Variants in HSPG2 observed in about 807,000 individuals in gnomAD.
The protein encoded by HSPG2 is heparan sulfate proteoglycan 2.
Under a neutral mutation model 526.6 loss-of-function variants are expected in HSPG2, and 278 were observed. The ratio of observed to expected loss-of-function variants is 0.53; its 90% CI spans 0.48 to 0.58. HSPG2 has a LOEUF of 0.58. Among genes scored for constraint, HSPG2 ranks in the 20% least tolerant of loss-of-function variants. The pLI is 0.00. For missense variants in HSPG2, 5,354 were observed against 6,099.5 expected, an observed-to-expected ratio of 0.88 and a Z score of 4.07; for synonymous variants, 2,465 against 2,555.4, an observed-to-expected ratio of 0.96 and a Z score of 1.07.
At chr1:21,936,206 C>T (rs78480153) in intron 1 of HSPG2, among the ~76,000 whole-genome samples, 35 of 152,254 alleles carry the variant, frequency 2.3e-4, no homozygotes, top group African/African-American at 7.5e-4. Context: ...CCCTGCCCAC[C>T]GACCCCACCC....
rs770212594 is a variant in HSPG2 at position 21,850,448 on chromosome 1, G to A, written c.7209C>T (p.Gly2403=). ...RLYQASPADS[G]EYVCRVLGSS... ...TGCCCAACACTCGGCACACGTACTC[G>A]CCCGAGTCGGCGGGGGACGCTTGGT... is the stretch of plus-strand genomic sequence containing the variant. Residue 2403 remains glycine, a synonymous_variant, in exon 56 of 97, where the codon GGC becomes GGT. Transcript: ENST00000374695. The A allele has an allele frequency of 6.9e-5, 112 of 1,612,042 alleles. No homozygotes were observed. The highest frequency in any genetic ancestry group is 3.3e-4 in the Middle Eastern group (2 of 6,070).
chr1:21,906,159 C>T (rs1231236731), intron 1 of HSPG2, among the ~76,000 whole-genome samples: 1 of 152,214 alleles, frequency 6.6e-6, no homozygotes, highest in Non-Finnish European at 1.5e-5. Context: ...AACTCCATAC[C>T]ACCTGGTCCC....
At chr1:21,923,159 C>G (rs556618035) in intron 1 of HSPG2, among the ~76,000 whole-genome samples, 31 of 152,320 alleles carry the variant, frequency 2.0e-4, no homozygotes, top group Admixed American at 3.9e-4. Flanking sequence ...GTAATCCCAG[C>G]ACTTTGGGAG....
At chr1:21,844,340 C>A in intron 64 of HSPG2, 41 bp from the exon 65 acceptor site, 1 of 1,590,468 alleles carries the variant, frequency 6.3e-7, no homozygotes, top group Non-Finnish European at 8.6e-7. Context: ...AGATGCCACC[C>A]TGATGCCCTC....
Position 21,887,284 on chromosome 1 carries a change from A to G in HSPG2, c.1009T>C (p.Cys337Arg). The change falls in exon 9 of 97, where the codon TGT becomes CGT. Residue 337 changes from cysteine (C) to arginine (R), a missense_variant. By Grantham distance (180) the Cys-to-Arg change is radical (BLOSUM62 -3). Coordinates refer to ENST00000374695, the MANE Select transcript of HSPG2 (RefSeq NM_005529.7). The surrounding 1 kb of genome is among the most constrained non-coding windows in gnomAD (Gnocchi z 5.0). ...TCGCAGCGCCACAGCTTGAGGGCACAATGTCCATTCCCGCAGGGGAACTCG... is the reference window on the plus strand; with the variant it reads ...TCGCAGCGCCACAGCTTGAGGGCACGATGTCCATTCCCGCAGGGGAACTCG... ...PNEFPCGNGH[C>R]ALKLWRCDGD... 6.2e-7 allele frequency: 1 copy of G among 1,614,060 alleles called. No individual in the cohort carries two copies. Among genetic ancestry groups the G allele is most frequent in the Non-Finnish European group, 8.5e-7 (1 of 1,179,960 alleles).
At position 21,937,237 on chromosome 1, in the gene HSPG2, T is replaced by TCTCGCTCG; in HGVS notation, c.-28_-21dup. ...CCCCATGGCCCGGCCCGCGCCGCTC[T>TCTCGCTCG]CTCGCTCGCTCGCTCCGCGCCGCCC... On this transcript the variant is annotated 5_prime_UTR_variant, in exon 1 of 97. Transcript: ENST00000374695. 1.1e-6 allele frequency: 1 copy of TCTCGCTCG among 901,900 alleles called. No individual in the cohort carries two copies. Among genetic ancestry groups the TCTCGCTCG allele is most frequent in the South Asian group, 4.8e-5 (1 of 20,950 alleles). The allele number at this position is 901,900 out of a possible 1,614,324, so 55.9% of individuals were successfully genotyped here. A position where few individuals can be genotyped will look rare whatever the true frequency, so the allele number is the denominator to read the frequency against.
chr1:21,874,857 G>A (rs1411273391), intron 26 of HSPG2, 34 bp downstream of exon 26: 3 of 1,563,194 alleles, frequency 1.9e-6, no homozygotes, highest in Admixed American at 3.5e-5. Flanking sequence ...CCATGGAGGG[G>A]GCTGGCTGGG....
At chr1:21,861,297 C>G (rs779484911) in intron 39 of HSPG2, among the ~76,000 whole-genome samples, 6 of 152,086 alleles carry the variant, frequency 3.9e-5, no homozygotes, top group Non-Finnish European at 8.8e-5. Flanking sequence ...TAGCCAGGAA[C>G]GGGTGGTTTA....
intron 45 of HSPG2, 26 bp from the exon 46 acceptor site, chr1:21,855,701 C>T: frequency 1.9e-6 from 3 of 1,587,596 alleles, no homozygotes; most frequent in Middle Eastern, 1.7e-4. Context: ...GGGGTCAGCA[C>T]CCACCAAGCC....
At chr1:21,873,163 C>A in intron 30 of HSPG2, 72 bp from the exon 31 acceptor site, 1 of 1,343,970 alleles carries the variant, frequency 7.4e-7, no homozygotes, top group Non-Finnish European at 1.1e-6. Flanking sequence ...CCACTCTGCT[C>A]ACCACTGAGC....
At chr1:21,835,325 T>C (rs1226378275) in intron 76 of HSPG2, 4 of 615,470 alleles carry the variant, frequency 6.5e-6, no homozygotes, top group East Asian at 5.6e-5. Context: ...ATCTGAGCAC[T>C]CACACACTCC....
Position 21,846,168 on chromosome 1 carries a change from G to A in HSPG2, c.8404C>T (p.Leu2802=), listed in dbSNP as rs1638414383. The A allele has an allele frequency of 1.2e-6, 2 of 1,612,986 alleles. No individual in the cohort carries two copies. Among genetic ancestry groups the A allele is most frequent in the Admixed American group, 1.7e-5 (1 of 60,008 alleles). Residue 2802 remains leucine (L), a synonymous_variant, in exon 64 of 97, where the codon CTG becomes TTG. Coordinates refer to ENST00000374695, the MANE Select transcript of HSPG2 (RefSeq NM_005529.7). The part of the protein sequence containing the change: ...VCRVMGSSGP[L]EASVLVTIEA... The stretch of plus-strand genomic sequence containing the variant: ...ATGGTGACCAGGACTGAGGCCTCCA[G>A]GGGGCCAGAGCTGCCCATCACCCGG...
At chr1:21,906,841 C>T (rs1643405975) in intron 1 of HSPG2, among the ~76,000 whole-genome samples, 1 of 152,068 alleles carries the variant, frequency 6.6e-6, no homozygotes, top group Admixed American at 6.5e-5. Flanking sequence ...ACTTTGGGAA[C>T]ACCACCCCAA....
In HSPG2 at chr1:21,828,108, G is replaced by C; in HGVS notation, c.12454C>G (p.Pro4152Ala). ...HEENPCQLRE[P>A]CLHGGTCQGT... is the part of the protein sequence containing the mutation. ...TGGCAGGTGCCCCCATGCAGACAGGGTTCACGGAGCTGGCAGGGGTTCTCC... is the reference window on the plus strand; with the variant it reads ...TGGCAGGTGCCCCCATGCAGACAGGCTTCACGGAGCTGGCAGGGGTTCTCC... Residue 4152 changes from proline to alanine, a missense_variant, in exon 90 of 97, where the codon CCC (proline) becomes GCC (alanine). Coordinates refer to ENST00000374695, the MANE Select transcript of HSPG2 (RefSeq NM_005529.7). The surrounding 1 kb of genome is among the most constrained non-coding windows in gnomAD (Gnocchi z 6.0). 6.2e-7 allele frequency: 1 copy of C among 1,604,966 alleles called. No individual in the cohort carries two copies. Among genetic ancestry groups the C allele is most frequent in the Non-Finnish European group, 8.5e-7 (1 of 1,174,960 alleles).
rs1049675 is a variant in HSPG2, at chr1:21,822,324, G to A, written c.*992C>T. 0.047 allele frequency: 52,507 copies of A among 1,128,680 alleles called. 1,526 individuals are homozygous for A. Among genetic ancestry groups the A allele is most frequent in the South Asian group, 0.085 (6,661 of 78,434 alleles). 69.9% of individuals were successfully genotyped at this position (1,128,680 alleles called of 1,614,324 possible). On this transcript the variant is annotated 3_prime_UTR_variant, in exon 97 of 97. Coordinates refer to ENST00000374695, the MANE Select transcript of HSPG2 (RefSeq NM_005529.7). Reference sequence around the variant, plus strand: ...CCCTTCTAGGACACAGAGGCCAGGCGTCCCAACCCCACAGTCTGGGGGCCA... The same window carrying A: ...CCCTTCTAGGACACAGAGGCCAGGCATCCCAACCCCACAGTCTGGGGGCCA...
At chr1:21,873,168 C>T in intron 30 of HSPG2, 77 bp from the exon 31 acceptor site, 1 of 1,308,028 alleles carries the variant, frequency 7.6e-7, no homozygotes, top group Non-Finnish European at 1.1e-6. Context: ...CTGCTCACCA[C>T]TGAGCGGGAG....
At chr1:21,853,958 A>G (rs544496035) in intron 50 of HSPG2, 1 of 534,894 alleles carries the variant, frequency 1.9e-6, no homozygotes, top group East Asian at 3.1e-5. Context: ...CAACCTGGAC[A>G]TTCTGCTGCT....
At chr1:21,917,291 A>G (rs532910566) in intron 1 of HSPG2, among the ~76,000 whole-genome samples, 1 of 151,746 alleles carries the variant, frequency 6.6e-6, no homozygotes, top group African/African-American at 2.4e-5. Context: ...AAATCAGCCA[A>G]GTGTGGTGGT....
intron 74 of HSPG2, among the ~76,000 whole-genome samples, chr1:21,837,572 A>G (rs1310359019): frequency 1.5e-4 from 23 of 151,716 alleles, no homozygotes; most frequent in Non-Finnish European, 5.9e-5. Flanking sequence ...TACAGGCGTG[A>G]GCCACCGCGC....
Sources: allele counts gnomAD v4.1 joint callset (sites outside exome capture counted in the v4.1 genomes callset), GRCh38; gene constraint gnomAD v4.1.1; non-coding constraint Gnocchi (gnomAD v3.1); transcripts MANE v1.5; gene names NCBI Gene and HGNC (gene_info 2026-07-23, HGNC 2026-07-21).